Variants in LDLRAD4 observed in about 807,000 individuals in gnomAD.
LDLRAD4 encodes low-density lipoprotein receptor class A domain-containing protein 4.
LDLRAD4 carries 5 observed loss-of-function variants against 17.0 expected under a neutral mutation model. The observed-to-expected ratio is 0.29, with a 90% CI of 0.15 to 0.62. The LOEUF is 0.62. Among genes scored for constraint, LDLRAD4 ranks in the 20% least tolerant of loss-of-function variants. LDLRAD4 has a pLI of 0.84. For synonymous variants in LDLRAD4, 168 were observed against 171.8 expected (o/e 0.98, Z 0.17); for missense variants, 340 against 424.7 (o/e 0.80, Z 1.75).
intron 1 of LDLRAD4, among the ~76,000 whole-genome samples, chr18:13,261,524 T>C (rs929687746): frequency 6.6e-5 from 10 of 152,178 alleles, no homozygotes; most frequent in African/African-American, 2.4e-4. Context: ...TGGTTTTAGG[T>C]TTCCAGCCTC....
intron 1 of LDLRAD4, among the ~76,000 whole-genome samples, chr18:13,359,525 A>G (rs940130976): frequency 1.2e-4 from 19 of 152,126 alleles, no homozygotes; most frequent in African/African-American, 7.2e-5. Context: ...GAAAAAAAAA[A>G]GCCATGTTCT....
intron 3 of LDLRAD4, among the ~76,000 whole-genome samples, chr18:13,529,293 C>T (rs910935079): frequency 2.6e-5 from 4 of 152,226 alleles, no homozygotes; most frequent in Non-Finnish European, 5.9e-5. Context: ...TTCAGGTTCT[C>T]TCTTTGATGT....
At chr18:13,468,744 G>A (rs1301661292) in intron 3 of LDLRAD4, among the ~76,000 whole-genome samples, 2 of 151,398 alleles carry the variant, frequency 1.3e-5, no homozygotes, top group African/African-American at 4.9e-5. Context: ...GCAAACTATT[G>A]CAAGGACAAA....
At chr18:13,285,463 C>T (rs1221455551) in intron 1 of LDLRAD4, among the ~76,000 whole-genome samples, 1 of 152,078 alleles carries the variant, frequency 6.6e-6, no homozygotes, top group Non-Finnish European at 1.5e-5. Context: ...AACATGGGGG[C>T]CATTGGAGGT....
intron 3 of LDLRAD4, among the ~76,000 whole-genome samples, chr18:13,499,163 G>T (rs1470279627): frequency 7.1e-6 from 1 of 140,580 alleles, no homozygotes; most frequent in Non-Finnish European, 1.5e-5. Context: ...CACACGTCGC[G>T]CCGTGGACAC....
upstream of LDLRAD4, chr18:13,217,756 G>A (rs1334096600): frequency 6.6e-6 from 1 of 151,320 alleles, no homozygotes; most frequent in Non-Finnish European, 1.5e-5. The surrounding 1 kb of genome is among the most constrained non-coding windows in gnomAD (Gnocchi z 4.9). Context: ...CTGCGGACCG[G>A]GCCCGGCGGG....
intron 3 of LDLRAD4, among the ~76,000 whole-genome samples, chr18:13,463,370 G>A (rs529751611): frequency 6.6e-6 from 1 of 152,314 alleles, no homozygotes; most frequent in East Asian, 1.9e-4. Context: ...GTTCAGAAGA[G>A]CAAACCCACC....
At chr18:13,222,015 G>A (rs1488565049) in intron 1 of LDLRAD4, among the ~76,000 whole-genome samples, 1 of 152,160 alleles carries the variant, frequency 6.6e-6, no homozygotes, top group African/African-American at 2.4e-5. Flanking sequence ...CTAACACTCC[G>A]GCAGCCTGCC....
chr18:13,392,324 C>T (rs926942567), intron 2 of LDLRAD4, among the ~76,000 whole-genome samples: 2 of 152,238 alleles, frequency 1.3e-5, no homozygotes, highest in South Asian at 2.1e-4. Flanking sequence ...GTGTGGAGCA[C>T]CTTCATGTTA....
chr18:13,640,784 G>A (rs903693259), intron 4 of LDLRAD4, among the ~76,000 whole-genome samples: 20 of 152,198 alleles, frequency 1.3e-4, no homozygotes, highest in African/African-American at 4.8e-4. Flanking sequence ...CTCTCTGTGG[G>A]ATGCGTTAGA....
rs367707618 is a variant in LDLRAD4, at chr18:13,421,080, C to T, written c.41-17164C>T. ...TAAAAGCAGGGAGAACATCCTTCCG[C>T]GCTGAGCACTGCACACCCTCTTCTG... On this transcript the variant is annotated intron_variant, in intron 2 of 5. Coordinates refer to ENST00000359446, the Ensembl canonical transcript of LDLRAD4. 5.9e-5 allele frequency: 9 copies of T among 152,408 alleles called. No homozygotes were observed. The East Asian group carries it at 9.6e-4, about 16-fold the overall frequency. The allele number at this position is 152,408 out of a possible 1,614,324, so 9.4% of individuals were successfully genotyped here. A position where few individuals can be genotyped will look rare whatever the true frequency, so the allele number is the denominator to read the frequency against.
At chr18:13,536,678 AT>A (rs1465899611) in intron 3 of LDLRAD4, among the ~76,000 whole-genome samples, 5 of 152,144 alleles carry the variant, frequency 3.3e-5, no homozygotes, top group African/African-American at 1.2e-4. Context: ...ATTTAAAAAA[AT>A]AGGACATGCT....
chr18:13,354,443 A>C (rs1036352319), intron 1 of LDLRAD4, among the ~76,000 whole-genome samples: 2 of 152,190 alleles, frequency 1.3e-5, no homozygotes, highest in Non-Finnish European at 2.9e-5. Context: ...ATGTTCTTTT[A>C]TTGCTGTTGG....
intron 1 of LDLRAD4, among the ~76,000 whole-genome samples, chr18:13,285,792 C>T (rs1358836152): frequency 6.6e-6 from 1 of 152,114 alleles, no homozygotes; most frequent in African/African-American, 2.4e-5. Context: ...GAAACTCAAG[C>T]CAGTCCTTCA....
At chr18:13,531,458 A>C (rs2147819347) in intron 3 of LDLRAD4, among the ~76,000 whole-genome samples, 1 of 151,892 alleles carries the variant, frequency 6.6e-6, no homozygotes, top group East Asian at 1.9e-4. Context: ...AAAAAAAAAA[A>C]AAATAGGTAG....
At chr18:13,568,389 T>C (rs2094636682) in intron 3 of LDLRAD4, among the ~76,000 whole-genome samples, 1 of 152,240 alleles carries the variant, frequency 6.6e-6, no homozygotes, top group South Asian at 2.1e-4. Flanking sequence ...GTTATCTCTT[T>C]CGGCCCCACT....
chr18:13,481,407 G>A (rs910742473), intron 3 of LDLRAD4, among the ~76,000 whole-genome samples: 5 of 152,196 alleles, frequency 3.3e-5, no homozygotes, highest in Admixed American at 2.0e-4. Flanking sequence ...CTGAGAAGCG[G>A]GGGCACGTGT....
chr18:13,267,897 T>C (rs1185071898), intron 1 of LDLRAD4, among the ~76,000 whole-genome samples: 1 of 152,176 alleles, frequency 6.6e-6, no homozygotes, highest in Non-Finnish European at 1.5e-5. Flanking sequence ...TCTTTTTCTT[T>C]TAAAACAATT....
chr18:13,366,655 C>T (rs2084076087), intron 1 of LDLRAD4, among the ~76,000 whole-genome samples: 1 of 152,128 alleles, frequency 6.6e-6, no homozygotes, highest in Non-Finnish European at 1.5e-5. Flanking sequence ...TGGATTCTGT[C>T]TTTGGTCTGA....
Sources: allele counts gnomAD v4.1 joint callset (sites outside exome capture counted in the v4.1 genomes callset), GRCh38; gene constraint gnomAD v4.1.1; non-coding constraint Gnocchi (gnomAD v3.1); transcripts MANE v1.5; gene names NCBI Gene and HGNC (gene_info 2026-07-23, HGNC 2026-07-21).